Variants in NRXN3 observed in about 807,000 individuals in gnomAD.
The protein encoded by NRXN3 is neurexin III.
In NRXN3, 32 loss-of-function variants were observed where a neutral mutation model predicts 137.6. The observed-to-expected ratio is 0.23, with a 90% CI of 0.18 to 0.31. NRXN3 has a LOEUF of 0.31. Among genes scored for constraint, NRXN3 ranks in the 10% least tolerant of loss-of-function variants. NRXN3 has a pLI of 1.00. For synonymous variants in NRXN3, 798 were observed against 784.5 expected, an observed-to-expected ratio of 1.02 and a Z score of -0.29; for missense variants, 1,574 against 2,062.5, an observed-to-expected ratio of 0.76 and a Z score of 4.59.
chr14:78,303,843 G>C (rs770154818), intron 4 of NRXN3, among the ~76,000 whole-genome samples: 1 of 151,982 alleles, frequency 6.6e-6, no homozygotes, highest in African/African-American at 2.4e-5. Context: ...CTTGAGTCAC[G>C]TTTACTCATG....
chr14:78,599,357 C>T (rs1341341181), intron 4 of NRXN3, among the ~76,000 whole-genome samples: 3 of 152,206 alleles, frequency 2.0e-5, no homozygotes, highest in African/African-American at 4.8e-5. Flanking sequence ...TGCTTTATAG[C>T]GTGTTGCATT....
intron 10 of NRXN3, among the ~76,000 whole-genome samples, chr14:78,928,016 C>T (rs1300733479): frequency 1.3e-5 from 2 of 152,136 alleles, no homozygotes; most frequent in Non-Finnish European, 2.9e-5. Flanking sequence ...GCTTCCTTGT[C>T]CCTTGGAGAT....
In NRXN3 at chr14:78,994,662, G is replaced by C. The variant is rs114756850; in HGVS notation, c.3262+6521G>C. 8.0e-3 allele frequency among the ~76,000 whole-genome samples: 1,218 copies of C among 152,202 alleles called. 14 individuals carry two copies. The highest frequency in any genetic ancestry group is 0.028 in the African/African-American group (1,172 of 41,530). On this transcript the variant is annotated intron_variant, in intron 15 of 20. Transcript: ENST00000335750. Reference sequence around the variant, plus strand: ...CAAAGCATAGTCATTAATTTAATTGGCTCTAGAATCAAACTGCTTTAAATG... The same window carrying C: ...CAAAGCATAGTCATTAATTTAATTGCCTCTAGAATCAAACTGCTTTAAATG...
intron 15 of NRXN3, among the ~76,000 whole-genome samples, chr14:79,431,858 G>A (rs1403667933): frequency 6.6e-6 from 1 of 152,062 alleles, no homozygotes; most frequent in Non-Finnish European, 1.5e-5. Flanking sequence ...CATCTGAAAT[G>A]TATCTATCTT....
chr14:78,644,782 C>T (rs116340823), intron 4 of NRXN3, among the ~76,000 whole-genome samples: 2,018 of 152,320 alleles, frequency 0.013, 43 homozygotes, highest in African/African-American at 0.046. Context: ...AAAGCAATTC[C>T]TGAAGCAAAA....
At chr14:79,302,246 C>A (rs1015034895) in intron 15 of NRXN3, among the ~76,000 whole-genome samples, 2 of 151,904 alleles carry the variant, frequency 1.3e-5, no homozygotes, top group Admixed American at 6.6e-5. Flanking sequence ...TATCACTATG[C>A]CCAGGTGTGT....
intron 4 of NRXN3, among the ~76,000 whole-genome samples, chr14:78,539,244 T>C (rs896148714): frequency 7.9e-5 from 12 of 152,338 alleles, no homozygotes; most frequent in African/African-American, 2.9e-4. Flanking sequence ...CATCTGGTCC[T>C]GGACTTTTTT....
chr14:78,392,181 A>G (rs577642598), intron 4 of NRXN3, among the ~76,000 whole-genome samples: 2 of 152,324 alleles, frequency 1.3e-5, no homozygotes, highest in South Asian at 2.1e-4. Flanking sequence ...AACTGGCTAC[A>G]TCATGCTGAC....
intron 4 of NRXN3, among the ~76,000 whole-genome samples, chr14:78,536,592 C>G (rs966207072): frequency 1.3e-5 from 2 of 149,580 alleles, no homozygotes; most frequent in Non-Finnish European, 3.0e-5. Context: ...ATGCCTGAGA[C>G]CTACAGATTA....
intron 4 of NRXN3, among the ~76,000 whole-genome samples, chr14:78,397,811 C>A (rs2091635261): frequency 6.6e-6 from 1 of 150,962 alleles, no homozygotes; most frequent in Non-Finnish European, 1.5e-5. Flanking sequence ...ACCAGGTTGC[C>A]CAGGCTGGTC....
intron 15 of NRXN3, among the ~76,000 whole-genome samples, chr14:79,412,437 A>G (rs1363897824): frequency 5.9e-5 from 9 of 152,040 alleles, no homozygotes; most frequent in Non-Finnish European, 1.5e-5. Context: ...GGATAGAAAG[A>G]TTCTGAGATC....
chr14:79,607,425 G>C (rs1050049096), intron 16 of NRXN3, among the ~76,000 whole-genome samples: 2 of 152,182 alleles, frequency 1.3e-5, no homozygotes, highest in Admixed American at 6.5e-5. Context: ...CTGTATAGCT[G>C]CAGATGCAAT....
chr14:78,603,510 G>A (rs1014300368), intron 4 of NRXN3, among the ~76,000 whole-genome samples: 1 of 152,118 alleles, frequency 6.6e-6, no homozygotes, highest in Admixed American at 6.5e-5. Context: ...CTTATCGGTG[G>A]GTGGTAGGAA....
chr14:78,457,073 C>G (rs1233491121), intron 4 of NRXN3, among the ~76,000 whole-genome samples: 1 of 145,132 alleles, frequency 6.9e-6, no homozygotes, highest in Admixed American at 6.9e-5. Context: ...TCCTCCCACT[C>G]TGTGGTCCAG....
At chr14:79,100,254 G>A (rs1033584806) in intron 15 of NRXN3, among the ~76,000 whole-genome samples, 1 of 152,120 alleles carries the variant, frequency 6.6e-6, no homozygotes, top group Admixed American at 6.5e-5. Context: ...AGAATGAGAG[G>A]CATAAGACAC....
At chr14:79,472,012 G>T (rs1026590574) in intron 16 of NRXN3, among the ~76,000 whole-genome samples, 2 of 151,872 alleles carry the variant, frequency 1.3e-5, no homozygotes, top group South Asian at 4.1e-4. Context: ...CCCTCCCAAA[G>T]GCCCAGTGTG....
At chr14:78,869,491 G>T (rs1214167115) in intron 10 of NRXN3, among the ~76,000 whole-genome samples, 2 of 151,872 alleles carry the variant, frequency 1.3e-5, no homozygotes, top group Non-Finnish European at 2.9e-5. Context: ...CTGTGGTCTG[G>T]CTTCTCCTTA....
chr14:78,410,707 T>TA (rs2092776124), intron 4 of NRXN3, among the ~76,000 whole-genome samples: 4 of 152,272 alleles, frequency 2.6e-5, no homozygotes, highest in Admixed American at 1.3e-4. Flanking sequence ...AAAACCTCCT[T>TA]AGTTGAAAAA....
chr14:79,619,365 T>G (rs2153896039), intron 16 of NRXN3, among the ~76,000 whole-genome samples: 1 of 152,248 alleles, frequency 6.6e-6, no homozygotes, highest in Admixed American at 6.5e-5. Context: ...TCAATCTATC[T>G]TAAATAATAT....
Sources: gnomAD v4.1 joint callset for allele counts (sites outside exome capture counted in the v4.1 genomes callset) on GRCh38, gnomAD v4.1.1 for gene constraint, MANE v1.5 for transcripts, NCBI Gene and HGNC (gene_info 2026-07-23, HGNC 2026-07-21) for gene names.